PPIG: variants seen among roughly 807,000 people sequenced by gnomAD.
The protein encoded by PPIG is peptidyl-prolyl cis-trans isomerase G.
A neutral mutation model predicts 87.9 loss-of-function variants in PPIG; 26 were observed. That is an observed-to-expected ratio of 0.30 (90% CI 0.22 to 0.41). The LOEUF is 0.41. Among genes scored for constraint, PPIG ranks in the 10% least tolerant of loss-of-function variants. The probability of loss-of-function intolerance (pLI) is 1.00; values close to 1 mark genes in which losing one functional copy is unlikely to be tolerated. For missense variants in PPIG, 722 were observed against 879.4 expected (o/e 0.82, Z 2.26); for synonymous variants, 308 against 276.5 (o/e 1.11, Z -1.13).
intron 9 of PPIG, among the ~76,000 whole-genome samples, chr2:169,620,199 T>C (rs1185584790): frequency 6.6e-6 from 1 of 152,170 alleles, no homozygotes. Context: ...TTTCTTTTAG[T>C]GGTTTTACAG....
chr2:169,593,847 G>C (rs1490700854), intron 1 of PPIG, among the ~76,000 whole-genome samples: 1 of 150,008 alleles, frequency 6.7e-6, no homozygotes, highest in Non-Finnish European at 1.5e-5. Flanking sequence ...AGTAGAGACG[G>C]GGTTTCACCA....
At chr2:169,590,119 C>G (rs1319295433) in intron 1 of PPIG, among the ~76,000 whole-genome samples, 1 of 124,652 alleles carries the variant, frequency 8.0e-6, no homozygotes, top group Non-Finnish European at 1.7e-5. Flanking sequence ...GTCTCAACAA[C>G]GACAACAACC....
chr2:169,598,813 A>AC (rs1475849303), intron 1 of PPIG, among the ~76,000 whole-genome samples: 14 of 148,666 alleles, frequency 9.4e-5, no homozygotes, highest in Admixed American at 8.1e-4. Flanking sequence ...AAATATTTAT[A>AC]TTTATATAAA....
At chr2:169,598,949 C>T (rs1266601924) in intron 1 of PPIG, among the ~76,000 whole-genome samples, 2 of 149,414 alleles carry the variant, frequency 1.3e-5, no homozygotes, top group African/African-American at 2.5e-5. Context: ...ATTTCTATAA[C>T]CTGTTCCTCC....
chr2:169,622,557 C>T (rs960012181), intron 9 of PPIG, among the ~76,000 whole-genome samples: 1 of 152,210 alleles, frequency 6.6e-6, no homozygotes, highest in Non-Finnish European at 1.5e-5. Flanking sequence ...ATACCTTGCC[C>T]TTATCAGTTT....
At chr2:169,592,033 C>G (rs1388874776) in intron 1 of PPIG, among the ~76,000 whole-genome samples, 3 of 139,396 alleles carry the variant, frequency 2.2e-5, no homozygotes. Flanking sequence ...CTCAAATGAT[C>G]CTCCCACCGC....
At chr2:169,610,087 G>C in intron 7 of PPIG, among the ~76,000 whole-genome samples, 1 of 152,142 alleles carries the variant, frequency 6.6e-6, no homozygotes, top group Non-Finnish European at 1.5e-5. Flanking sequence ...GGTTTGTTCT[G>C]TTCGGTAGCC....
Position 169,630,912 on chromosome 2 carries a change from AAAG to A in PPIG, c.689_691del (p.Arg230del). 1 of 1,603,544 alleles carries A rather than the reference AAAG, an allele frequency of 6.2e-7. No homozygotes were observed. Among genetic ancestry groups the A allele is most frequent in the Non-Finnish European group, 8.5e-7 (1 of 1,177,680 alleles). On this transcript the variant is annotated inframe_deletion, in exon 10 of 14. Coordinates refer to ENST00000260970, the MANE Select transcript of PPIG (RefSeq NM_004792.3). ...AGTGCTACTGAAGAGAAATCAAAGA[AAAG>A]AAAAAAGAAACATCGGAAAAATTCC... is the stretch of plus-strand genomic sequence containing the variant.
intron 10 of PPIG, 114 bp downstream of exon 10, chr2:169,631,101 G>A: frequency 1.0e-6 from 1 of 980,458 alleles, no homozygotes; most frequent in Non-Finnish European, 1.5e-6. Flanking sequence ...AATATAGCAT[G>A]GAGCGTAGGA....
chr2:169,606,591 C>CAAAAAAAAAA (rs71006009), intron 5 of PPIG, among the ~76,000 whole-genome samples: 1,355 of 84,766 alleles, frequency 0.016, 79 homozygotes, highest in Non-Finnish European at 0.021. Flanking sequence ...GACTCTGTCT[C>CAAAAAAAAAA]AAAAAAAAAA....
intron 5 of PPIG, among the ~76,000 whole-genome samples, chr2:169,606,788 A>G (rs894191584): frequency 1.3e-5 from 2 of 152,066 alleles, no homozygotes; most frequent in Non-Finnish European, 2.9e-5. Flanking sequence ...AAAAATATCA[A>G]AACTATAGTT....
chr2:169,636,319 AATAC>A (rs1469248138), intron 13 of PPIG, 90 bp from the exon 14 acceptor site: 3 of 1,475,844 alleles, frequency 2.0e-6, no homozygotes, highest in Non-Finnish European at 2.7e-6. Context: ...GTTATTGCTG[AATAC>A]CTTAAGAAAA....
chr2:169,609,894 A>G (rs1341115507), intron 7 of PPIG, among the ~76,000 whole-genome samples: 1 of 152,222 alleles, frequency 6.6e-6, no homozygotes, highest in Non-Finnish European at 1.5e-5. Context: ...TTACTTAATT[A>G]CAAAGAATAA....
intron 9 of PPIG, among the ~76,000 whole-genome samples, chr2:169,626,485 C>A (rs997570512): frequency 2.6e-5 from 4 of 151,786 alleles, no homozygotes; most frequent in African/African-American, 9.7e-5. Flanking sequence ...CCTCCGCCTC[C>A]CAGTTCAAGA....
At chr2:169,628,846 C>T (rs1254778882) in intron 9 of PPIG, among the ~76,000 whole-genome samples, 4 of 147,588 alleles carry the variant, frequency 2.7e-5, no homozygotes, top group South Asian at 2.1e-4. Context: ...CTCAGGAGGC[C>T]GAGACAGAAG....
At chr2:169,613,011 C>G (rs1279578570) in intron 7 of PPIG, among the ~76,000 whole-genome samples, 3 of 152,200 alleles carry the variant, frequency 2.0e-5, no homozygotes, top group Admixed American at 1.3e-4. Context: ...TTATTTGCCA[C>G]ACTATGTGTA....
chr2:169,607,352 G>A (rs1388101201), intron 6 of PPIG, among the ~76,000 whole-genome samples: 1 of 152,012 alleles, frequency 6.6e-6, no homozygotes, highest in Non-Finnish European at 1.5e-5. Context: ...TTTACAACAT[G>A]ATTTGAAAGG....
chr2:169,611,941 T>C (rs1459348796), intron 7 of PPIG, among the ~76,000 whole-genome samples: 1 of 152,192 alleles, frequency 6.6e-6, no homozygotes, highest in African/African-American at 2.4e-5. Flanking sequence ...TTTTAACCAT[T>C]TGTAAGTGTA....
At chr2:169,599,757 G>A (rs142310774) in intron 1 of PPIG, among the ~76,000 whole-genome samples, 89 of 152,234 alleles carry the variant, frequency 5.8e-4, no homozygotes, top group African/African-American at 2.0e-3. Flanking sequence ...AATAGGGCAA[G>A]GGTTGCTTAA....
Sources: allele counts gnomAD v4.1 joint callset (sites outside exome capture counted in the v4.1 genomes callset), GRCh38; gene constraint gnomAD v4.1.1; transcripts MANE v1.5; gene names NCBI Gene and HGNC (gene_info 2026-07-23, HGNC 2026-07-21).